RAB27B: variants seen among roughly 807,000 people sequenced by gnomAD.
RAB27B encodes RAB27B, member RAS oncogene family, also known as ras-related protein Rab-27B.
RAB27B carries 15 observed loss-of-function variants against 24.6 expected under a neutral mutation model. The observed-to-expected ratio is 0.61, with a 90% CI of 0.41 to 0.94. The LOEUF (loss-of-function observed/expected upper bound fraction) is 0.94. RAB27B is among the 40% of genes least tolerant of loss of function. The pLI, the probability that RAB27B is intolerant of heterozygous loss-of-function variation, is 0.00. For synonymous variants in RAB27B, 105 were observed against 92.5 expected (o/e 1.14, Z -0.78); for missense variants, 261 against 266.8 (o/e 0.98, Z 0.15).
At chr18:54,860,289 C>T (rs1173709158) in intron 1 of RAB27B, among the ~76,000 whole-genome samples, 1 of 152,122 alleles carries the variant, frequency 6.6e-6, no homozygotes, top group Non-Finnish European at 1.5e-5. Flanking sequence ...GCTGTGGATT[C>T]CAATGCCTGC....
chr18:54,794,651 C>T (rs1014785103), intron 2 of RAB27B, among the ~76,000 whole-genome samples: 14 of 152,134 alleles, frequency 9.2e-5, no homozygotes, highest in African/African-American at 2.2e-4. Context: ...TGGAAGTTCA[C>T]GTAAAAAATC....
intron 2 of RAB27B, among the ~76,000 whole-genome samples, chr18:54,793,581 T>C (rs1019758621): frequency 6.6e-6 from 1 of 152,248 alleles, no homozygotes; most frequent in African/African-American, 2.4e-5. Context: ...TCTCTTCCAA[T>C]GTTCATTTCT....
intron 2 of RAB27B, among the ~76,000 whole-genome samples, chr18:54,755,791 A>C (rs2145041000): frequency 1.3e-5 from 2 of 152,348 alleles, no homozygotes; most frequent in South Asian, 4.1e-4. Context: ...CAGCCATCAG[A>C]GTTCCATCAG....
At chr18:54,878,888 A>G (rs1401966881) in intron 2 of RAB27B, among the ~76,000 whole-genome samples, 6 of 152,178 alleles carry the variant, frequency 3.9e-5, no homozygotes. Context: ...TTGAAAGTCC[A>G]TTTCACAGTA....
chr18:54,876,718 G>A (rs1212125397), intron 1 of RAB27B, among the ~76,000 whole-genome samples: 1 of 152,012 alleles, frequency 6.6e-6, no homozygotes, highest in East Asian at 1.9e-4. Context: ...GGAATAATTT[G>A]TATACAGATT....
intron 2 of RAB27B, among the ~76,000 whole-genome samples, chr18:54,814,987 C>A (rs1479419138): frequency 6.6e-6 from 1 of 152,146 alleles, no homozygotes; most frequent in Non-Finnish European, 1.5e-5. Flanking sequence ...TCTCAACCCC[C>A]AACCCCACCC....
At chr18:54,879,788 G>T in intron 3 of RAB27B, 1 of 212,346 alleles carries the variant, frequency 4.7e-6, no homozygotes. Flanking sequence ...AGTGCTACTT[G>T]AAGAGGGAGT....
chr18:54,796,364 C>T (rs1326046025), intron 2 of RAB27B, among the ~76,000 whole-genome samples: 1 of 152,314 alleles, frequency 6.6e-6, no homozygotes, highest in East Asian at 1.9e-4. Context: ...ATCGTAAGGG[C>T]AGAGGACCAG....
intron 2 of RAB27B, among the ~76,000 whole-genome samples, chr18:54,785,622 T>C (rs1909060415): frequency 6.6e-6 from 1 of 152,148 alleles, no homozygotes; most frequent in Non-Finnish European, 1.5e-5. Flanking sequence ...AACTGTCTTC[T>C]GCCTACAGAA....
intron 2 of RAB27B, among the ~76,000 whole-genome samples, chr18:54,803,196 A>G (rs1909664822): frequency 6.6e-6 from 1 of 152,242 alleles, no homozygotes; most frequent in African/African-American, 2.4e-5. Context: ...TAGCAGATAG[A>G]GAAGTACAGA....
At chr18:54,726,740 C>A (rs757042649) in intron 2 of RAB27B, among the ~76,000 whole-genome samples, 5 of 151,482 alleles carry the variant, frequency 3.3e-5, no homozygotes, top group Non-Finnish European at 7.4e-5. Flanking sequence ...ACACTTCTAC[C>A]TTCAAATTGT....
At chr18:54,784,105 C>T (rs1403185072) in intron 2 of RAB27B, among the ~76,000 whole-genome samples, 1 of 152,172 alleles carries the variant, frequency 6.6e-6, no homozygotes, top group Non-Finnish European at 1.5e-5. Flanking sequence ...AAAGGCATTG[C>T]TAACCTATGG....
chr18:54,796,123 G>GGGGTGGCTCGCTCCTTT (rs1909409986), intron 2 of RAB27B, among the ~76,000 whole-genome samples: 1 of 152,154 alleles, frequency 6.6e-6, no homozygotes, highest in Non-Finnish European at 1.5e-5. Context: ...ATGTGTGACA[G>GGGGTGGCTCGCTCCTTT]GGGTGGCTCG....
chr18:54,725,159 T>C (rs1909491719), intron 2 of RAB27B, among the ~76,000 whole-genome samples: 1 of 151,548 alleles, frequency 6.6e-6, no homozygotes, highest in Non-Finnish European at 1.5e-5. Context: ...GTGCCACTTA[T>C]GACTTATCTC....
chr18:54,759,935 T>A (rs1484977512), intron 2 of RAB27B, among the ~76,000 whole-genome samples: 1 of 152,194 alleles, frequency 6.6e-6, no homozygotes, highest in Non-Finnish European at 1.5e-5. Context: ...TAAAATCCTC[T>A]GCATTTACCA....
chr18:54,788,151 A>G (rs1909146502), intron 2 of RAB27B, among the ~76,000 whole-genome samples: 1 of 152,218 alleles, frequency 6.6e-6, no homozygotes, highest in Admixed American at 6.5e-5. Flanking sequence ...CTGAATTTAT[A>G]CAAACTCAAA....
chr18:54,750,461 T>C (rs1907796176), intron 2 of RAB27B, among the ~76,000 whole-genome samples: 1 of 152,200 alleles, frequency 6.6e-6, no homozygotes, highest in South Asian at 2.1e-4. Context: ...TTGTCACTGA[T>C]ACAACACCTA....
chr18:54,762,539 A>C (rs1246780223), intron 2 of RAB27B, among the ~76,000 whole-genome samples: 1 of 152,156 alleles, frequency 6.6e-6, no homozygotes, highest in Non-Finnish European at 1.5e-5. Context: ...TGCACTTTGC[A>C]ATAAGTTAGG....
chr18:54,850,007 G>A (rs756796779), intron 1 of RAB27B, among the ~76,000 whole-genome samples: 5 of 151,706 alleles, frequency 3.3e-5, no homozygotes, highest in Non-Finnish European at 7.4e-5. Context: ...TTGAAATTTG[G>A]CAAAATTCCT....
Sources: allele counts gnomAD v4.1 joint callset (sites outside exome capture counted in the v4.1 genomes callset), GRCh38; gene constraint gnomAD v4.1.1; transcripts MANE v1.5; gene names NCBI Gene and HGNC (gene_info 2026-07-23, HGNC 2026-07-21).